The following HMCN1 variants were observed in gnomAD, a reference collection of about 807,000 sequenced individuals.
HMCN1 encodes hemicentin-1.
Under a neutral mutation model 625.9 loss-of-function variants are expected in HMCN1, and 321 were observed. The ratio of observed to expected loss-of-function variants is 0.51; its 90% CI spans 0.47 to 0.56. The LOEUF is 0.56. Among genes scored for constraint, HMCN1 ranks in the 20% least tolerant of loss-of-function variants. The pLI is 0.00. For missense variants in HMCN1, 6,588 were observed against 6,887.3 expected, an observed-to-expected ratio of 0.96 and a Z score of 1.54; for synonymous variants, 2,425 against 2,417.6, an observed-to-expected ratio of 1.00 and a Z score of -0.09.
chr1:185,805,942 A>G (rs893190415), intron 1 of HMCN1, among the ~76,000 whole-genome samples: 1 of 152,100 alleles, frequency 6.6e-6, no homozygotes, highest in Non-Finnish European at 1.5e-5. Flanking sequence ...TTTTTTTTAC[A>G]TAGAGCTAAA....
chr1:186,153,711 G>A (rs1292905872), intron 96 of HMCN1, 39 bp from the exon 97 acceptor site: 1 of 1,551,224 alleles, frequency 6.4e-7, no homozygotes, highest in Non-Finnish European at 8.9e-7. Flanking sequence ...AAATTAGTAT[G>A]AGCCATATTG....
chr1:185,982,410 T>G (rs756842635), intron 18 of HMCN1, 21 bp downstream of exon 18: 10 of 1,603,696 alleles, frequency 6.2e-6, no homozygotes, highest in Middle Eastern at 1.7e-4. Flanking sequence ...TTTAAATGCA[T>G]GCATTCACAT....
At chr1:185,977,575 G>T (rs1359168168) in intron 15 of HMCN1, among the ~76,000 whole-genome samples, 3 of 152,060 alleles carry the variant, frequency 2.0e-5, no homozygotes, top group Non-Finnish European at 4.4e-5. Flanking sequence ...TTAAGGAAAT[G>T]GTTGGGCTTC....
intron 63 of HMCN1, 45 bp from the exon 64 acceptor site, chr1:186,090,713 A>G (rs761140177): frequency 6.2e-6 from 10 of 1,600,978 alleles, no homozygotes; most frequent in Middle Eastern, 1.7e-4. Context: ...ATTAGAATTT[A>G]TATCCTGTGT....
At chr1:186,025,205 G>A (rs1026530640) in intron 36 of HMCN1, among the ~76,000 whole-genome samples, 13 of 152,092 alleles carry the variant, frequency 8.5e-5, no homozygotes, top group Non-Finnish European at 1.2e-4. Context: ...AGGAGGCAGC[G>A]CTCAGGTGGT....
chr1:185,964,432 G>A (rs771514846), intron 13 of HMCN1, among the ~76,000 whole-genome samples: 9 of 152,022 alleles, frequency 5.9e-5, no homozygotes, highest in East Asian at 1.9e-4. Flanking sequence ...GTTATAAATC[G>A]TGAATAATCA....
chr1:185,794,303 T>G (rs1313578651), intron 1 of HMCN1, among the ~76,000 whole-genome samples: 1 of 151,810 alleles, frequency 6.6e-6, no homozygotes, highest in Non-Finnish European at 1.5e-5. Context: ...ACATTTGTAT[T>G]TGTCAGGGTT....
intron 86 of HMCN1, among the ~76,000 whole-genome samples, chr1:186,132,638 T>C (rs1662003181): frequency 7.1e-6 from 1 of 140,672 alleles, no homozygotes; most frequent in South Asian, 2.3e-4. Flanking sequence ...TTGCAATTGA[T>C]TGGTGGCAGA....
At chr1:185,880,343 A>G (rs900628388) in intron 4 of HMCN1, among the ~76,000 whole-genome samples, 1 of 152,218 alleles carries the variant, frequency 6.6e-6, no homozygotes, top group African/African-American at 2.4e-5. Flanking sequence ...GTAATTCCAT[A>G]CTAGGGGATG....
At chr1:185,895,802 T>C (rs1023355666) in intron 4 of HMCN1, among the ~76,000 whole-genome samples, 10 of 152,180 alleles carry the variant, frequency 6.6e-5, no homozygotes, top group African/African-American at 2.4e-4. Context: ...TACATTGTCA[T>C]TGGGTAAAGA....
At chr1:186,186,132 A>G (rs745549817) in intron 105 of HMCN1, among the ~76,000 whole-genome samples, 64 of 152,202 alleles carry the variant, frequency 4.2e-4, no homozygotes, top group Admixed American at 3.9e-4. Flanking sequence ...GATGGCCACT[A>G]TATAATTTGA....
intron 11 of HMCN1, among the ~76,000 whole-genome samples, chr1:185,953,057 G>A (rs1387820341): frequency 2.0e-5 from 3 of 151,492 alleles, no homozygotes; most frequent in African/African-American, 7.3e-5. Context: ...TTGCCACTAA[G>A]GGTGAAGGAG....
At chr1:185,951,557 G>A (rs984659044) in intron 11 of HMCN1, among the ~76,000 whole-genome samples, 3 of 151,042 alleles carry the variant, frequency 2.0e-5, no homozygotes, top group South Asian at 4.2e-4. Context: ...GGCAGTGTCA[G>A]TCTTCAGCCG....
At chr1:185,903,235 G>C (rs1289419167) in intron 4 of HMCN1, among the ~76,000 whole-genome samples, 1 of 151,598 alleles carries the variant, frequency 6.6e-6, no homozygotes, top group Non-Finnish European at 1.5e-5. Context: ...TTTTTCGGCT[G>C]TTGTGTATTA....
chr1:186,015,311 C>T lies in HMCN1; in HGVS notation c.4783C>T (p.Leu1595Phe). The T allele has an allele frequency of 6.2e-7, 1 of 1,613,804 alleles. No individual in the cohort carries two copies. Among genetic ancestry groups the T allele is most frequent in the Non-Finnish European group, 8.5e-7 (1 of 1,179,818 alleles). ...GCCAATCATGTCCAGCTCACAAGCA[C>T]TTTATATTGATAAAGGACAATATCT... ...GQPIMSSSQA[L>F]YIDKGQYLHI... Residue 1595 changes from leucine to phenylalanine, a missense_variant, in exon 31 of 107, where the codon CTT becomes TTT. Coordinates refer to ENST00000271588, the MANE Select transcript of HMCN1 (RefSeq NM_031935.3).
chr1:185,924,167 C>G (rs955868551), intron 8 of HMCN1, among the ~76,000 whole-genome samples: 1 of 141,984 alleles, frequency 7.0e-6, no homozygotes, highest in Non-Finnish European at 1.5e-5. Context: ...TTCAGCTTAG[C>G]TGTACTTGAG....
Position 186,055,638 on chromosome 1 carries a change from G to T in HMCN1, c.7108G>T (p.Gly2370Ter). ...TGTGTGTGTTGCTGTGAATGTAGCA[G>T]GAATGACTGACAAAAAATATGACTT... ...RYVCVAVNVA[G>*]MTDKKYDLSV... Residue 2370 changes from glycine (G) to a stop codon, truncating the protein, a stop_gained, in exon 45 of 107, where the codon GGA (glycine) becomes TGA (stop). Coordinates refer to ENST00000271588, the MANE Select transcript of HMCN1 (RefSeq NM_031935.3). LOFTEE classifies it high-confidence loss of function. 1.2e-6 allele frequency: 2 copies of T among 1,612,654 alleles called. No homozygotes were observed. The highest frequency in any genetic ancestry group is 8.5e-7 in the Non-Finnish European group (1 of 1,179,060).
chr1:185,860,785 C>T (rs1662822687), intron 2 of HMCN1, among the ~76,000 whole-genome samples: 1 of 152,096 alleles, frequency 6.6e-6, no homozygotes. Context: ...TGTCAGCTCA[C>T]CAAACTCTTT....
At chr1:185,834,532 A>G (rs1036017815) in intron 1 of HMCN1, among the ~76,000 whole-genome samples, 3 of 152,226 alleles carry the variant, frequency 2.0e-5, no homozygotes. Context: ...TGGCTGGTTC[A>G]CATGACTGGT....
Sources: allele counts gnomAD v4.1 joint callset (sites outside exome capture counted in the v4.1 genomes callset), GRCh38; gene constraint gnomAD v4.1.1; transcripts MANE v1.5; gene names NCBI Gene and HGNC (gene_info 2026-07-23, HGNC 2026-07-21).